NDE1: variants seen among roughly 807,000 people sequenced by gnomAD.
NDE1 encodes nuclear distribution protein nudE homolog 1.
Under a neutral mutation model 43.4 loss-of-function variants are expected in NDE1, and 28 were observed. The ratio of observed to expected loss-of-function variants is 0.65; its 90% CI spans 0.48 to 0.89. The LOEUF (loss-of-function observed/expected upper bound fraction) is 0.89. Ranked by LOEUF, NDE1 falls within the 40% of genes least tolerant of loss-of-function variation. The pLI is 0.00. For synonymous variants in NDE1, 184 were observed against 172.0 expected (o/e 1.07, Z -0.55); for missense variants, 441 against 434.1 (o/e 1.02, Z -0.14).
intron 5 of NDE1, among the ~76,000 whole-genome samples, chr16:15,688,379 A>G: frequency 6.6e-6 from 1 of 151,924 alleles, no homozygotes; most frequent in Admixed American, 6.6e-5. Flanking sequence ...TCACACCTGT[A>G]ATCCCAGCAC....
chr16:15,694,349 T>C (rs1332187935), intron 7 of NDE1, 93 bp downstream of exon 7: 1 of 1,550,924 alleles, frequency 6.4e-7, no homozygotes, highest in African/African-American at 1.4e-5. Context: ...TCTCTTCTTT[T>C]TTTCTTTTTT....
At chr16:15,711,557 CTG>C (rs2039796375) in intron 8 of NDE1, among the ~76,000 whole-genome samples, 1 of 152,140 alleles carries the variant, frequency 6.6e-6, no homozygotes, top group Non-Finnish European at 1.5e-5. Flanking sequence ...ATGATTAAAA[CTG>C]TTAAAAGATC....
chr16:15,647,799 G>C (rs1305228802), upstream of NDE1, among the ~76,000 whole-genome samples: 2 of 152,050 alleles, frequency 1.3e-5, no homozygotes, highest in Non-Finnish European at 2.9e-5. Context: ...GGGAGGCTGA[G>C]GCAGGAGGAT....
chr16:15,697,151 TC>T, intron 8 of NDE1: 2 of 787,900 alleles, frequency 2.5e-6, no homozygotes, highest in Non-Finnish European at 3.1e-6. Flanking sequence ...CAAACGATCC[TC>T]CCACCTCAGT....
intron 5 of NDE1, among the ~76,000 whole-genome samples, chr16:15,690,576 TA>T (rs2038702343): frequency 6.6e-6 from 1 of 151,938 alleles, no homozygotes; most frequent in Non-Finnish European, 1.5e-5. Flanking sequence ...GTTTTTTCAA[TA>T]ATAAAAGCAT....
At chr16:15,689,015 C>T (rs1204373891) in intron 5 of NDE1, among the ~76,000 whole-genome samples, 3 of 151,864 alleles carry the variant, frequency 2.0e-5, no homozygotes, top group East Asian at 3.9e-4. Context: ...TTATTTATAA[C>T]GTCGATTTGC....
chr16:15,667,259 A>G (rs1410788427), intron 2 of NDE1, 27 bp from the exon 3 acceptor site: 5 of 1,613,344 alleles, frequency 3.1e-6, no homozygotes, highest in Non-Finnish European at 4.2e-6. Context: ...AAATATTACT[A>G]CGTGATGATT....
In NDE1 at chr16:15,725,134, T is replaced by C. The variant is rs985790666; in HGVS notation, c.*883T>C. On this transcript the variant is annotated 3_prime_UTR_variant, in exon 9 of 9. Transcript: ENST00000396354. ...ATACCCGTGAGGTATGGGACTCTGA[T>C]AAAAAAAAAAAAAAACACACACACA... The C allele has an allele frequency of 3.7e-6, 2 of 540,920 alleles. No homozygotes were observed. The highest frequency in any genetic ancestry group is 6.5e-6 in the Non-Finnish European group (2 of 307,612). The allele number at this position is 540,920 out of a possible 1,614,324, so 33.5% of individuals were successfully genotyped here. A position where few individuals can be genotyped will look rare whatever the true frequency, so the allele number is the denominator to read the frequency against.
chr16:15,721,673 C>T (rs373678131), intron 8 of NDE1: 18 of 1,603,500 alleles, frequency 1.1e-5, no homozygotes, highest in African/African-American at 2.7e-5. Flanking sequence ...TAGGCATATC[C>T]GGGGTCAGCG....
rs894807080 is a variant in NDE1, at chr16:15,721,228, C to T, written c.948-2963C>T. 1.2e-5 allele frequency: 11 copies of T among 932,630 alleles called. No individual in the cohort carries two copies. The African/African-American group carries it at 1.6e-4, about 14-fold the overall frequency. The allele number at this position is 932,630 out of a possible 1,614,324, so 57.8% of individuals were successfully genotyped here. A position where few individuals can be genotyped will look rare whatever the true frequency, so the allele number is the denominator to read the frequency against. ...TCAGACCCCAGCCTTATCCTCGGACCCCCCAACTCAGACCCATCCTCGACT... is the reference window on the plus strand; with the variant it reads ...TCAGACCCCAGCCTTATCCTCGGACTCCCCAACTCAGACCCATCCTCGACT... On this transcript the variant is annotated intron_variant, in intron 8 of 8. Transcript: ENST00000396354.
At chr16:15,699,606 TTGAGACCCTG>T (rs922221692) in intron 8 of NDE1, 5 of 1,218,616 alleles carry the variant, frequency 4.1e-6, no homozygotes, top group African/African-American at 1.6e-5. Context: ...GGAGAGAAAA[TTGAGACCCTG>T]TGAGACCCTG....
At chr16:15,669,916 C>G (rs965392680) in intron 3 of NDE1, among the ~76,000 whole-genome samples, 1 of 152,170 alleles carries the variant, frequency 6.6e-6, no homozygotes, top group Non-Finnish European at 1.5e-5. Context: ...ATCTGGAGAC[C>G]CAGTGCTCTG....
At chr16:15,704,091 C>T in intron 8 of NDE1, 1 of 1,614,084 alleles carries the variant, frequency 6.2e-7, no homozygotes, top group South Asian at 1.1e-5. Flanking sequence ...TCCAGACCTT[C>T]TAGAAGGAAC....
rs201510034 is a variant in NDE1 at position 15,725,556 on chromosome 16, C to A, written c.*1305C>A. On this transcript the variant is annotated 3_prime_UTR_variant, in exon 9 of 9. Coordinates refer to ENST00000396354, the MANE Select transcript of NDE1 (RefSeq NM_017668.3). ...TACTCCCTAGTGTCTCTGCATAAGT[C>A]CCTTTGAGGCTGTTAGCCTACCCCT... The A allele has an allele frequency of 4.0e-4, 164 of 408,828 alleles. No individual in the cohort carries two copies. In the East Asian group the frequency reaches 5.7e-3, roughly 14 times the overall value. The allele number at this position is 408,828 out of a possible 1,614,324, so 25.3% of individuals were successfully genotyped here. A position where few individuals can be genotyped will look rare whatever the true frequency, so the allele number is the denominator to read the frequency against.
At chr16:15,717,464 C>T in intron 8 of NDE1, 2 of 1,039,894 alleles carry the variant, frequency 1.9e-6, no homozygotes, top group South Asian at 1.4e-5. Context: ...ATCCCGGGCA[C>T]CCTGTCCTCT....
At chr16:15,671,355 A>T (rs2037582529) in intron 3 of NDE1, among the ~76,000 whole-genome samples, 1 of 152,078 alleles carries the variant, frequency 6.6e-6, no homozygotes, top group Non-Finnish European at 1.5e-5. Flanking sequence ...AAATAAAAAT[A>T]AAAAATTCAT....
intron 1 of NDE1, among the ~76,000 whole-genome samples, chr16:15,656,742 T>C (rs1480922009): frequency 6.6e-6 from 1 of 152,222 alleles, no homozygotes; most frequent in East Asian, 1.9e-4. Context: ...GGTTTTACCA[T>C]GTTGGCCAGG....
At chr16:15,678,018 A>C (rs911865301) in intron 4 of NDE1, 69 bp downstream of exon 4, 1 of 1,582,130 alleles carries the variant, frequency 6.3e-7, no homozygotes, top group African/African-American at 1.3e-5. Flanking sequence ...GCAGCTGGGT[A>C]CTGGGCCCTG....
chr16:15,719,177 C>G (rs767000748), intron 8 of NDE1: 1 of 1,576,822 alleles, frequency 6.3e-7, no homozygotes, highest in Non-Finnish European at 8.7e-7. Flanking sequence ...CCTGTCCCCC[C>G]ATCCTCTGCT....
Sources: gnomAD v4.1 joint callset for allele counts (sites outside exome capture counted in the v4.1 genomes callset) on GRCh38, gnomAD v4.1.1 for gene constraint, MANE v1.5 for transcripts, NCBI Gene and HGNC (gene_info 2026-07-23, HGNC 2026-07-21) for gene names.